PRIM2: variants seen among roughly 807,000 people sequenced by gnomAD.
PRIM2 encodes the protein DNA primase subunit 2.
A neutral mutation model predicts 67.3 loss-of-function variants in PRIM2; 39 were observed. That is an observed-to-expected ratio of 0.58 (90% CI 0.45 to 0.76). The LOEUF (loss-of-function observed/expected upper bound fraction) is 0.76. Among genes scored for constraint, PRIM2 ranks in the 30% least tolerant of loss-of-function variants. The pLI is 0.00. For synonymous variants in PRIM2, 143 were observed against 198.7 expected, an observed-to-expected ratio of 0.72 and a Z score of 2.36; for missense variants, 398 against 598.7, an observed-to-expected ratio of 0.66 and a Z score of 3.50.
chr6:57,307,954 A>G, the PRIM2 span, among the ~76,000 whole-genome samples: 1 of 152,242 alleles, frequency 6.6e-6, no homozygotes, highest in African/African-American at 2.4e-5. Context: ...GGAAAAGGAA[A>G]ATATCCAGCA....
chr6:57,347,990 T>A (rs1768732594), intron 5 of PRIM2, among the ~76,000 whole-genome samples: 1 of 152,170 alleles, frequency 6.6e-6, no homozygotes, highest in Non-Finnish European at 1.5e-5. Context: ...GTTTAGAGAT[T>A]TACATTAGTT....
intron 7 of PRIM2, among the ~76,000 whole-genome samples, chr6:57,428,616 AT>A (rs1489097187): frequency 3.9e-5 from 6 of 152,130 alleles, no homozygotes; most frequent in African/African-American, 1.4e-4. Flanking sequence ...TGATAATATA[AT>A]TGTTCTTTTG....
intron 7 of PRIM2, among the ~76,000 whole-genome samples, chr6:57,391,168 T>G (rs1770332850): frequency 6.8e-6 from 1 of 146,912 alleles, no homozygotes; most frequent in Non-Finnish European, 1.5e-5. Context: ...ATATGCTTCT[T>G]GGCCACATGT....
chr6:57,524,583 C>T (rs1774703636), intron 8 of PRIM2, among the ~76,000 whole-genome samples: 1 of 152,078 alleles, frequency 6.6e-6, no homozygotes, highest in African/African-American at 2.4e-5. Context: ...TGCATGTAAT[C>T]CCAGCTACTC....
intron 7 of PRIM2, among the ~76,000 whole-genome samples, chr6:57,410,523 A>T (rs998143401): frequency 6.6e-6 from 1 of 151,988 alleles, no homozygotes; most frequent in South Asian, 2.1e-4. Flanking sequence ...CTTTATAATA[A>T]GTTTTGAAAT....
chr6:57,247,196 C>T, the PRIM2 span, among the ~76,000 whole-genome samples: 1 of 152,158 alleles, frequency 6.6e-6, no homozygotes, highest in Non-Finnish European at 1.5e-5. Flanking sequence ...GAGTATCCAT[C>T]GTCTTTCCTA....
chr6:57,234,175 G>T, the PRIM2 span, among the ~76,000 whole-genome samples: 89,045 of 151,940 alleles, frequency 0.59, 27,838 homozygotes, highest in South Asian at 0.77. Context: ...AAGGTCTCTT[G>T]GGTGTCTGGA....
chr6:57,613,881 C>A (rs1212932355), intron 12 of PRIM2, among the ~76,000 whole-genome samples: 1 of 151,936 alleles, frequency 6.6e-6, no homozygotes, highest in Non-Finnish European at 1.5e-5. Flanking sequence ...GACAGAGTTT[C>A]GCTCTTGTCA....
At chr6:57,269,984 G>A in the PRIM2 span, among the ~76,000 whole-genome samples, 4 of 151,920 alleles carry the variant, frequency 2.6e-5, no homozygotes, top group African/African-American at 4.8e-5. Context: ...TGTTCCATTG[G>A]TCTATATATC....
intron 10 of PRIM2, among the ~76,000 whole-genome samples, chr6:57,599,423 T>C (rs1465153585): frequency 8.6e-5 from 13 of 151,630 alleles, no homozygotes; most frequent in Non-Finnish European, 1.6e-4. Flanking sequence ...TCTTTCAGAC[T>C]CCGTTTTAAA....
chr6:57,514,677 T>A (rs1774445167), intron 8 of PRIM2, among the ~76,000 whole-genome samples: 3 of 152,078 alleles, frequency 2.0e-5, no homozygotes, highest in Non-Finnish European at 4.4e-5. Flanking sequence ...GTATGGAAAA[T>A]GTTAATGCCT....
At chr6:57,401,380 T>G (rs1770703148) in intron 7 of PRIM2, among the ~76,000 whole-genome samples, 2 of 152,164 alleles carry the variant, frequency 1.3e-5, no homozygotes, top group African/African-American at 4.8e-5. Context: ...GGAGGGTATA[T>G]TAGCAAGCTA....
Position 57,600,418 on chromosome 6 carries a change from G to T in PRIM2, c.1021-675G>T, listed in dbSNP as rs1477709867. On this transcript the variant is annotated intron_variant, in intron 10 of 13. Transcript: ENST00000615550. ...ATGTTGCCCAGGCTGAAGTACAGTG[G>T]CACAATCATGGCTCACTGCAGCCTC... Among the ~76,000 whole-genome samples, 25 of 151,578 alleles carry T rather than the reference G, an allele frequency of 1.6e-4. 1 individual carries two copies. The highest frequency in any genetic ancestry group is 4.4e-5 in the Non-Finnish European group (3 of 67,908).
At chr6:57,603,202 ATTTTG>A (rs1189375533) in intron 11 of PRIM2, among the ~76,000 whole-genome samples, 2 of 151,808 alleles carry the variant, frequency 1.3e-5, no homozygotes, top group African/African-American at 4.8e-5. Context: ...TAGGTATTGT[ATTTTG>A]TTTTGTTTTG....
At chr6:57,531,325 T>C (rs1466338706) in intron 8 of PRIM2, among the ~76,000 whole-genome samples, 4 of 152,236 alleles carry the variant, frequency 2.6e-5, no homozygotes, top group Admixed American at 2.6e-4. Flanking sequence ...TTTTTGTTTT[T>C]GTTTTAATTT....
At chr6:57,260,514 T>C in the PRIM2 span, among the ~76,000 whole-genome samples, 1 of 152,246 alleles carries the variant, frequency 6.6e-6, no homozygotes. Flanking sequence ...ATTTCATTTT[T>C]ATGAACCCAT....
At chr6:57,352,969 T>C (rs929606176) in intron 5 of PRIM2, among the ~76,000 whole-genome samples, 6 of 152,150 alleles carry the variant, frequency 3.9e-5, no homozygotes, top group Non-Finnish European at 7.4e-5. Context: ...AGCACAAATA[T>C]AGCTAGAATT....
chr6:57,369,700 G>T (rs1769480048), intron 5 of PRIM2, among the ~76,000 whole-genome samples: 1 of 152,122 alleles, frequency 6.6e-6, no homozygotes, highest in African/African-American at 2.4e-5. Flanking sequence ...TGTTTACTTT[G>T]TGAAGCATAC....
chr6:57,636,519 C>T (rs1457810824), intron 13 of PRIM2, among the ~76,000 whole-genome samples: 17 of 152,232 alleles, frequency 1.1e-4, no homozygotes, highest in Admixed American at 1.1e-3. Flanking sequence ...ACAAAGAACC[C>T]ATCCTAGAAG....
Sources: allele counts gnomAD v4.1 joint callset (sites outside exome capture counted in the v4.1 genomes callset), GRCh38; gene constraint gnomAD v4.1.1; transcripts MANE v1.5; gene names NCBI Gene and HGNC (gene_info 2026-07-23, HGNC 2026-07-21).